Variants in FUT8 observed in about 807,000 individuals in gnomAD.
FUT8 encodes the protein alpha-(1,6)-fucosyltransferase.
In FUT8, 29 loss-of-function variants were observed where a neutral mutation model predicts 71.3. The observed-to-expected ratio is 0.41, with a 90% CI of 0.30 to 0.55. The LOEUF (loss-of-function observed/expected upper bound fraction) is 0.55. Ranked by LOEUF, FUT8 falls within the 20% of genes least tolerant of loss-of-function variation. The pLI, the probability that FUT8 is intolerant of heterozygous loss-of-function variation, is 0.34. For missense variants in FUT8, 544 were observed against 702.1 expected (o/e 0.77, Z 2.55); for synonymous variants, 254 against 239.3 (o/e 1.06, Z -0.57).
chr14:65,653,108 A>G lies in FUT8; in HGVS notation c.598-16135A>G, dbSNP rs138977859. On this transcript the variant is annotated intron_variant, in intron 6 of 10. Transcript: ENST00000673929. Reference sequence around the variant, plus strand: ...CATAGCATCACTTCTGCCCTACTGTATTGGTTAGAGCAGTCATGAGCCCCA... The same window carrying G: ...CATAGCATCACTTCTGCCCTACTGTGTTGGTTAGAGCAGTCATGAGCCCCA... Among the ~76,000 whole-genome samples the G allele has an allele frequency of 3.5e-3, 526 of 152,218 alleles. 2 individuals carry two copies. Among genetic ancestry groups the G allele is most frequent in the African/African-American group, 0.012 (498 of 41,528 alleles).
the FUT8 span, among the ~76,000 whole-genome samples, chr14:65,384,895 C>CTTTTTTT: frequency 1.4e-5 from 2 of 142,968 alleles, no homozygotes; most frequent in East Asian, 2.1e-4. This position sits in a 1 kb window ranked among gnomAD's most constrained non-coding sequence, Gnocchi z 4.2. Context: ...AGGTTAGATA[C>CTTTTTTT]TTTTTTTTTT....
Position 65,574,817 on chromosome 14 carries a change from C to T in FUT8, c.203+13051C>T, listed in dbSNP as rs1886666925. ...GTCTTGCTTCCCTTGGTTCCTAGTA[C>T]AAAGATTAAAGGGGCAAATAATGAG... On this transcript the variant is annotated intron_variant, in intron 3 of 10. Transcript: ENST00000673929. This position sits in a 1 kb window ranked among gnomAD's most constrained non-coding sequence, Gnocchi z 5.2. Among the ~76,000 whole-genome samples the T allele has an allele frequency of 6.6e-6, 1 of 152,070 alleles. No individual in the cohort carries two copies.
chr14:65,362,169 G>T, the FUT8 span, among the ~76,000 whole-genome samples: 1 of 152,158 alleles, frequency 6.6e-6, no homozygotes, highest in Admixed American at 6.6e-5. Context: ...AGGCTTTGCT[G>T]TTTTACAATC....
At chr14:65,389,312 C>T in the FUT8 span, among the ~76,000 whole-genome samples, 5 of 151,668 alleles carry the variant, frequency 3.3e-5, no homozygotes, top group Non-Finnish European at 5.9e-5. Context: ...TGGGCTCAAG[C>T]GATCCTCCCA....
At chr14:65,584,388 C>G (rs1448066265) in intron 3 of FUT8, among the ~76,000 whole-genome samples, 1 of 152,112 alleles carries the variant, frequency 6.6e-6, no homozygotes, top group Non-Finnish European at 1.5e-5. Context: ...CCATGTTGGC[C>G]AGGCTGGTCT....
chr14:65,363,918 G>T, the FUT8 span, among the ~76,000 whole-genome samples: 2 of 152,178 alleles, frequency 1.3e-5, no homozygotes, highest in Non-Finnish European at 2.9e-5. Flanking sequence ...TGTTACAGGG[G>T]CCCCAGCCAA....
rs1406236880 is a variant in FUT8, at chr14:65,607,930, C to T, written c.204-8048C>T. ...ATACAAAAAAATTAGCTGGGTGTGGCGGCGCATGCCTGTAATCCCAGCTAC... is the reference window on the plus strand; with the variant it reads ...ATACAAAAAAATTAGCTGGGTGTGGTGGCGCATGCCTGTAATCCCAGCTAC... On this transcript the variant is annotated intron_variant, in intron 3 of 10. Coordinates refer to ENST00000673929, the MANE Select transcript of FUT8 (RefSeq NM_001371533.1). The surrounding 1 kb of genome is among the most constrained non-coding windows in gnomAD (Gnocchi z 4.1). Among the ~76,000 whole-genome samples, 5 of 151,414 alleles carry T rather than the reference C, an allele frequency of 3.3e-5. No homozygotes were observed. Among genetic ancestry groups the T allele is most frequent in the African/African-American group, 9.7e-5 (4 of 41,292 alleles).
chr14:65,558,777 C>G (rs1885740283), intron 2 of FUT8, among the ~76,000 whole-genome samples: 1 of 152,120 alleles, frequency 6.6e-6, no homozygotes, highest in Admixed American at 6.6e-5. Flanking sequence ...TTCAGCTTAA[C>G]TTGGTTTTCT....
chr14:65,426,209 G>A (rs553783421), intron 1 of FUT8, among the ~76,000 whole-genome samples: 15 of 152,026 alleles, frequency 9.9e-5, no homozygotes, highest in Admixed American at 3.3e-4. Flanking sequence ...CATGTAGTAC[G>A]TGTATTTGTC....
intron 3 of FUT8, among the ~76,000 whole-genome samples, chr14:65,597,824 G>A (rs1018909671): frequency 2.0e-5 from 3 of 152,084 alleles, no homozygotes; most frequent in Non-Finnish European, 4.4e-5. Context: ...ATTGAGCCAG[G>A]TATTTGTGAC....
intron 6 of FUT8, among the ~76,000 whole-genome samples, chr14:65,637,467 T>C (rs913369027): frequency 2.0e-5 from 3 of 152,310 alleles, no homozygotes; most frequent in African/African-American, 7.2e-5. Flanking sequence ...AACTTGAAAT[T>C]ATCTGTCTCT....
chr14:65,662,633 G>A (rs2140353616), intron 6 of FUT8, among the ~76,000 whole-genome samples: 1 of 152,250 alleles, frequency 6.6e-6, no homozygotes, highest in East Asian at 1.9e-4. Context: ...GTGAAATAAT[G>A]TCTCTTGAAA....
chr14:65,699,578 A>G (rs1188347755), intron 7 of FUT8, among the ~76,000 whole-genome samples: 1 of 152,168 alleles, frequency 6.6e-6, no homozygotes, highest in Non-Finnish European at 1.5e-5. Flanking sequence ...GAGATAAGTC[A>G]CTTAGCAGAA....
intron 3 of FUT8, among the ~76,000 whole-genome samples, chr14:65,586,161 G>T (rs917871929): frequency 1.3e-5 from 2 of 152,172 alleles, no homozygotes; most frequent in Admixed American, 6.5e-5. Context: ...AATTTTGATT[G>T]CTTGACATAT....
chr14:65,366,528 C>G, the FUT8 span, among the ~76,000 whole-genome samples: 2 of 152,072 alleles, frequency 1.3e-5, no homozygotes, highest in African/African-American at 4.8e-5. Context: ...GGATATGTAC[C>G]CAACAGCCCA....
At chr14:65,474,459 CCAGGCGTGCTGGCTCCCACCT>C (rs2066202939) in intron 2 of FUT8, among the ~76,000 whole-genome samples, 1 of 29,956 alleles carries the variant, frequency 3.3e-5, no homozygotes, top group African/African-American at 1.4e-4. Flanking sequence ...AAAAAAAAAG[CCAGGCGTGCTGGCTCCCACCT>C]GTAATCCCAG....
chr14:65,508,934 C>G (rs1418068896), intron 2 of FUT8, among the ~76,000 whole-genome samples: 1 of 151,896 alleles, frequency 6.6e-6, no homozygotes, highest in African/African-American at 2.4e-5. Context: ...TTGATGTGAT[C>G]CCGTTTGTCC....
chr14:65,631,741 G>A (rs145878750), intron 6 of FUT8, among the ~76,000 whole-genome samples: 188 of 152,098 alleles, frequency 1.2e-3, no homozygotes, highest in South Asian at 5.0e-3. Context: ...TGGAGTACAG[G>A]TGGTATTTGA....
At chr14:65,381,816 A>G in the FUT8 span, among the ~76,000 whole-genome samples, 1 of 152,078 alleles carries the variant, frequency 6.6e-6, no homozygotes, top group African/African-American at 2.4e-5. Flanking sequence ...CCTTACCCAT[A>G]GTCAACTCAT....
Sources: gnomAD v4.1 joint callset for allele counts (sites outside exome capture counted in the v4.1 genomes callset) on GRCh38, gnomAD v4.1.1 for gene constraint, Gnocchi (gnomAD v3.1) non-coding constraint, MANE v1.5 for transcripts, NCBI Gene and HGNC (gene_info 2026-07-23, HGNC 2026-07-21) for gene names.